CAMSAP1: variants seen among roughly 807,000 people sequenced by gnomAD.
The protein encoded by CAMSAP1 is calmodulin-regulated spectrin-associated protein 1.
In CAMSAP1, 58 loss-of-function variants were observed where a neutral mutation model predicts 143.5. The observed-to-expected ratio is 0.40, with a 90% CI of 0.33 to 0.50. The LOEUF is 0.50. Ranked by LOEUF, CAMSAP1 falls within the 20% of genes least tolerant of loss-of-function variation. The pLI is 0.45. For synonymous variants in CAMSAP1, 945 were observed against 859.3 expected, an observed-to-expected ratio of 1.10 and a Z score of -1.74; for missense variants, 1,969 against 2,115.7, an observed-to-expected ratio of 0.93 and a Z score of 1.36.
intron 5 of CAMSAP1, among the ~76,000 whole-genome samples, chr9:135,858,766 G>C (rs1461970403): frequency 1.3e-5 from 2 of 152,228 alleles, no homozygotes; most frequent in Non-Finnish European, 2.9e-5. Flanking sequence ...GCAGCCCCCA[G>C]GCCAAGGCCA....
chr9:135,818,434 T>A lies in CAMSAP1; in HGVS notation c.4142A>T (p.Asp1381Val). 3.1e-6 allele frequency: 5 copies of A among 1,592,964 alleles called. No individual in the cohort carries two copies. Among genetic ancestry groups the A allele is most frequent in the Non-Finnish European group, 4.3e-6 (5 of 1,174,848 alleles). ...KSVHREESCS[D>V]SGTKCSSTPD... ...GGTGGAGGAGCACTTGGTGCCGGAG[T>A]CGCTGCACGACTCTTCCCGGTGCAC... The change falls in exon 13 of 17, where the codon GAC becomes GTC. Residue 1381 changes from aspartate to valine, a missense_variant. Asp to Val is a radical substitution (Grantham distance 152, BLOSUM62 -3). This residue lies in a region of CAMSAP1 where 1,390 missense variants were observed against 1,420.8 expected (regional missense o/e 0.98). Transcript: ENST00000389532. The surrounding 1 kb of genome is among the most constrained non-coding windows in gnomAD (Gnocchi z 7.7).
chr9:135,813,288 T>C (rs2131634936), intron 16 of CAMSAP1, among the ~76,000 whole-genome samples: 1 of 152,360 alleles, frequency 6.6e-6, no homozygotes, highest in East Asian at 1.9e-4. Context: ...CCCGAGCGGC[T>C]GAGATGCCAG....
rs756897416 is a variant in CAMSAP1, at chr9:135,834,865, G to A, written c.1046-7281C>T. Among the ~76,000 whole-genome samples the A allele has an allele frequency of 8.2e-4, 125 of 152,162 alleles. 2 individuals are homozygous for A. Among genetic ancestry groups the A allele is most frequent in the Admixed American group, 2.0e-4 (3 of 15,280 alleles). On this transcript the variant is annotated intron_variant, in intron 7 of 16. Coordinates refer to ENST00000389532, the MANE Select transcript of CAMSAP1 (RefSeq NM_015447.4). ...TATACGTGTATCAAAACATCATGCT[G>A]TTTATATACACTTTTAATCTTCAAT... is the stretch of plus-strand genomic sequence containing the variant.
At chr9:135,815,015 G>A (rs1321337904) in intron 16 of CAMSAP1, 82 bp downstream of exon 16, 6 of 956,162 alleles carry the variant, frequency 6.3e-6, no homozygotes, top group African/African-American at 1.7e-5. Context: ...AAAGATTAGG[G>A]GTGTTTTCTT....
chr9:135,885,497 C>T (rs1838094247), intron 1 of CAMSAP1, among the ~76,000 whole-genome samples: 1 of 152,128 alleles, frequency 6.6e-6, no homozygotes, highest in Non-Finnish European at 1.5e-5. Context: ...ACGGGACAGG[C>T]ACGTAAGTGG....
chr9:135,814,961 C>T, intron 16 of CAMSAP1, 136 bp downstream of exon 16: 4 of 687,150 alleles, frequency 5.8e-6, no homozygotes, highest in South Asian at 1.9e-5. Flanking sequence ...CTGGAACGGC[C>T]TCTTCCTTGA....
intron 5 of CAMSAP1, among the ~76,000 whole-genome samples, chr9:135,858,067 C>A (rs1172024021): frequency 6.6e-6 from 1 of 152,058 alleles, no homozygotes; most frequent in Non-Finnish European, 1.5e-5. Context: ...CCACCAGCAT[C>A]CTTGGTGCTC....
intron 1 of CAMSAP1, among the ~76,000 whole-genome samples, chr9:135,897,187 C>G (rs1838482342): frequency 6.6e-6 from 1 of 152,166 alleles, no homozygotes; most frequent in Non-Finnish European, 1.5e-5. Flanking sequence ...CACGGTCTCA[C>G]TCTGTTGCCC....
At chr9:135,869,441 T>C (rs891305832) in intron 3 of CAMSAP1, among the ~76,000 whole-genome samples, 1 of 150,852 alleles carries the variant, frequency 6.6e-6, no homozygotes, top group African/African-American at 2.4e-5. Flanking sequence ...AGGCAGAGGT[T>C]GCAGTGAGCC....
chr9:135,825,849 G>A (rs1024155952), intron 8 of CAMSAP1, among the ~76,000 whole-genome samples: 1 of 152,204 alleles, frequency 6.6e-6, no homozygotes, highest in African/African-American at 2.4e-5. Flanking sequence ...GGACACCAGA[G>A]TCAGGACACA....
At position 135,821,090 on chromosome 9, in the gene CAMSAP1, G is replaced by A; in HGVS notation, c.3571C>T (p.Leu1191Phe). ...TCTTTGAGGCTCATCTGCTCCGAAA[G>A]AATGTTGGCATCTTTGGAAGAGGAC... ...TLSSSKDANI[L>F]SEQMSLKEVL... The change falls in exon 11 of 17, where the codon CTT becomes TTT. Residue 1191 changes from leucine (L) to phenylalanine (F), a missense_variant. Leu to Phe is a conservative substitution (Grantham distance 22, BLOSUM62 0). Coordinates refer to ENST00000389532, the MANE Select transcript of CAMSAP1 (RefSeq NM_015447.4). This position sits in a 1 kb window ranked among gnomAD's most constrained non-coding sequence, Gnocchi z 4.6. 2 of 1,613,982 alleles carry A rather than the reference G, an allele frequency of 1.2e-6. No homozygotes were observed. Among genetic ancestry groups the A allele is most frequent in the East Asian group, 2.2e-5 (1 of 44,886 alleles).
In CAMSAP1 at chr9:135,836,937, T is replaced by C. The variant is rs113856281; in HGVS notation, c.1046-9353A>G. On this transcript the variant is annotated intron_variant, in intron 7 of 16. Transcript: ENST00000389532. ...ACGTCACCACACACTTTCTACCCGT[T>C]CTACAGACACACGTCACCACACACT... is the stretch of plus-strand genomic sequence containing the variant. 4.0e-3 allele frequency: 3,887 copies of C among 983,590 alleles called. 140 individuals are homozygous for C. The African/African-American group carries it at 0.065, about 16-fold the overall frequency. 60.9% of individuals were successfully genotyped at this position (983,590 alleles called of 1,614,324 possible).
chr9:135,906,769 C>G (rs1249785462), intron 1 of CAMSAP1, among the ~76,000 whole-genome samples: 1 of 152,040 alleles, frequency 6.6e-6, no homozygotes, highest in African/African-American at 2.4e-5. Context: ...GAAGCCCCGA[C>G]CCACGCCGCC....
At chr9:135,850,111 C>T (rs200012877) in intron 7 of CAMSAP1, 26 bp downstream of exon 7, 1 of 1,573,380 alleles carries the variant, frequency 6.4e-7, no homozygotes, top group Non-Finnish European at 8.6e-7. Context: ...AAACCATTGC[C>T]AACCTGGGGA....
chr9:135,905,447 A>G (rs1187760870), intron 1 of CAMSAP1, among the ~76,000 whole-genome samples: 1 of 152,204 alleles, frequency 6.6e-6, no homozygotes, highest in East Asian at 1.9e-4. Context: ...ATCTTAAAAA[A>G]CATGCAGGAG....
At chr9:135,876,398 C>G (rs1403826221) in intron 3 of CAMSAP1, among the ~76,000 whole-genome samples, 1 of 152,136 alleles carries the variant, frequency 6.6e-6, no homozygotes, top group African/African-American at 2.4e-5. Flanking sequence ...TAAGACAACC[C>G]AGTTAAAAAT....
chr9:135,855,152 C>T (rs1465193440), intron 5 of CAMSAP1, among the ~76,000 whole-genome samples: 6 of 152,092 alleles, frequency 3.9e-5, no homozygotes, highest in South Asian at 2.1e-4. Flanking sequence ...CCACCACCCC[C>T]GGCCAATTTT....
intron 7 of CAMSAP1, among the ~76,000 whole-genome samples, chr9:135,830,844 T>C (rs1835836393): frequency 6.6e-6 from 1 of 152,220 alleles, no homozygotes; most frequent in Non-Finnish European, 1.5e-5. Flanking sequence ...TCATGTATCT[T>C]TTCAAACCAC....
intron 16 of CAMSAP1, among the ~76,000 whole-genome samples, chr9:135,813,543 G>C (rs529037151): frequency 6.6e-6 from 1 of 152,232 alleles, no homozygotes; most frequent in Non-Finnish European, 1.5e-5. Context: ...TGTGGGGAGT[G>C]GGGTTCATCT....
Sources: allele counts gnomAD v4.1 joint callset (sites outside exome capture counted in the v4.1 genomes callset), GRCh38; gene constraint gnomAD v4.1.1; regional missense constraint gnomAD v4.1.1; non-coding constraint Gnocchi (gnomAD v3.1); transcripts MANE v1.5; gene names NCBI Gene and HGNC (gene_info 2026-07-23, HGNC 2026-07-21).